Variants in GABBR2 observed in about 807,000 individuals in gnomAD.
GABBR2 encodes the protein gamma-aminobutyric acid type B receptor subunit 2, also known as G-protein coupled receptor 51.
GABBR2 carries 23 observed loss-of-function variants against 105.6 expected under a neutral mutation model. That is an observed-to-expected ratio of 0.22 (90% CI 0.16 to 0.31). GABBR2 has a LOEUF of 0.31. Among genes scored for constraint, GABBR2 ranks in the 10% least tolerant of loss-of-function variants. The pLI, the probability that GABBR2 is intolerant of heterozygous loss-of-function variation, is 1.00. For synonymous variants in GABBR2, 478 were observed against 499.7 expected (o/e 0.96, Z 0.58); for missense variants, 734 against 1,245.5 (o/e 0.59, Z 6.18).
At chr9:98,586,211 A>G (rs1007263075) in intron 1 of GABBR2, among the ~76,000 whole-genome samples, 2 of 151,852 alleles carry the variant, frequency 1.3e-5, no homozygotes, top group African/African-American at 4.8e-5. Context: ...ACACCTGCAC[A>G]TAGCCCTCCT....
intron 2 of GABBR2, among the ~76,000 whole-genome samples, chr9:98,557,382 A>T (rs867559005): frequency 6.6e-6 from 1 of 152,140 alleles, no homozygotes; most frequent in Non-Finnish European, 1.5e-5. Context: ...GCACTCAACT[A>T]TGTGTTGAAT....
rs566062726 is a variant in GABBR2, at chr9:98,468,048, T to C, written c.999+5098A>G. Among the ~76,000 whole-genome samples, 32 of 152,306 alleles carry C rather than the reference T, an allele frequency of 2.1e-4. No homozygotes were observed. The South Asian group carries it at 6.2e-3, about 30-fold the overall frequency. ...CCTCAGTGGAGAGAAGGAGCCAATG[T>C]TGGGCCCAAAGCAGGAGTCCAGGGG... On this transcript the variant is annotated intron_variant, in intron 6 of 18. Coordinates refer to ENST00000259455, the MANE Select transcript of GABBR2 (RefSeq NM_005458.8).
intron 1 of GABBR2, among the ~76,000 whole-genome samples, chr9:98,657,718 C>G (rs1176542584): frequency 6.6e-6 from 1 of 152,252 alleles, no homozygotes; most frequent in Non-Finnish European, 1.5e-5. Flanking sequence ...CTGCATATGG[C>G]AAGAGCGGGA....
chr9:98,505,921 C>T (rs1030717843), intron 3 of GABBR2, among the ~76,000 whole-genome samples: 5 of 152,240 alleles, frequency 3.3e-5, no homozygotes, highest in Admixed American at 6.5e-5. Context: ...CGATTTGTTT[C>T]GGCAGCCACA....
chr9:98,354,445 A>G (rs923697926), intron 13 of GABBR2, among the ~76,000 whole-genome samples: 1 of 152,218 alleles, frequency 6.6e-6, no homozygotes, highest in Non-Finnish European at 1.5e-5. Flanking sequence ...CTTCCAACAT[A>G]AGCCTGTTTC....
intron 13 of GABBR2, among the ~76,000 whole-genome samples, chr9:98,355,624 A>G (rs750550947): frequency 1.3e-5 from 2 of 152,234 alleles, no homozygotes; most frequent in Non-Finnish European, 2.9e-5. Context: ...CAGAAAACTC[A>G]GTATTGGTAA....
intron 8 of GABBR2, among the ~76,000 whole-genome samples, chr9:98,397,397 CAG>C (rs1832313098): frequency 6.7e-6 from 1 of 149,304 alleles, no homozygotes; most frequent in South Asian, 2.1e-4. Context: ...GGCTAGGGGC[CAG>C]AGATACAGAG....
chr9:98,581,956 C>T (rs1200435239), intron 1 of GABBR2, among the ~76,000 whole-genome samples: 1 of 152,190 alleles, frequency 6.6e-6, no homozygotes, highest in Non-Finnish European at 1.5e-5. Context: ...GATATGTCAA[C>T]TAAAATATCT....
chr9:98,441,073 A>G (rs138401714), intron 7 of GABBR2, among the ~76,000 whole-genome samples: 1 of 152,302 alleles, frequency 6.6e-6, no homozygotes, highest in East Asian at 1.9e-4. Flanking sequence ...ACTTTAAAAT[A>G]TTTGCTATTT....
rs1588222961 is a variant in GABBR2 at position 98,548,912 on chromosome 9, G to GT, written c.460-6870dup. On this transcript the variant is annotated intron_variant, in intron 2 of 18. Transcript: ENST00000259455. Reference sequence around the variant, plus strand: ...TCCTTGAGAGTGTATGTATGTGTATGTTTTTTTGTTTGTTTATTTGTTTGG... The same window carrying GT: ...TCCTTGAGAGTGTATGTATGTGTATGTTTTTTTTGTTTGTTTATTTGTTTGG... Among the ~76,000 whole-genome samples the GT allele has an allele frequency of 2.5e-5, 3 of 120,804 alleles. 1 individual carries two copies. The highest frequency in any genetic ancestry group is 7.2e-4 in the East Asian group (2 of 2,766). 79.3% of individuals were successfully genotyped at this position (120,804 alleles called of 152,430 possible).
At chr9:98,644,219 A>C (rs143583265) in intron 1 of GABBR2, among the ~76,000 whole-genome samples, 2 of 152,354 alleles carry the variant, frequency 1.3e-5, no homozygotes, top group Non-Finnish European at 2.9e-5. Flanking sequence ...AGCCCTGACC[A>C]CTGGCAAACA....
intron 6 of GABBR2, among the ~76,000 whole-genome samples, chr9:98,459,136 G>C (rs917601483): frequency 1.3e-5 from 2 of 152,182 alleles, no homozygotes; most frequent in African/African-American, 2.4e-5. Context: ...AAGAGCCAAA[G>C]ACAGGGAGAT....
intron 1 of GABBR2, among the ~76,000 whole-genome samples, chr9:98,681,950 G>A (rs889725844): frequency 2.0e-5 from 3 of 152,134 alleles, no homozygotes; most frequent in Non-Finnish European, 4.4e-5. Context: ...GGCCAGATGC[G>A]ATGGCTTATG....
chr9:98,502,907 T>C (rs1487047424), intron 3 of GABBR2, among the ~76,000 whole-genome samples: 1 of 152,232 alleles, frequency 6.6e-6, no homozygotes, highest in Non-Finnish European at 1.5e-5. Flanking sequence ...GTCCCACTAC[T>C]TCATTCACTC....
rs1305322600 is a variant in GABBR2 at position 98,602,317 on chromosome 9, C to T, written c.322-24245G>A. ...TGAAACTCCGTCTCTACTAAAAATA[C>T]GAAAATCAGCTGGGCGTGGTGGCAG... On this transcript the variant is annotated intron_variant, in intron 1 of 18. Transcript: ENST00000259455. 4.6e-5 allele frequency among the ~76,000 whole-genome samples: 7 copies of T among 151,764 alleles called. No homozygotes were observed. The East Asian group carries it at 5.9e-4, about 13-fold the overall frequency.
intron 9 of GABBR2, among the ~76,000 whole-genome samples, chr9:98,392,713 G>C (rs1211346008): frequency 6.6e-6 from 1 of 152,142 alleles, no homozygotes; most frequent in Non-Finnish European, 1.5e-5. Context: ...CCCAATTTCT[G>C]CTGACCCACT....
chr9:98,416,633 C>G (rs1203049590), intron 7 of GABBR2, among the ~76,000 whole-genome samples: 1 of 152,250 alleles, frequency 6.6e-6, no homozygotes, highest in African/African-American at 2.4e-5. Context: ...GAGGGGCCAT[C>G]AGACATCGGG....
chr9:98,636,385 T>C (rs908724859), intron 1 of GABBR2, among the ~76,000 whole-genome samples: 2 of 151,932 alleles, frequency 1.3e-5, no homozygotes, highest in African/African-American at 2.4e-5. Context: ...AGCCCCAGTG[T>C]CTCAGATGAA....
At chr9:98,332,773 A>G (rs1044787834) in intron 13 of GABBR2, among the ~76,000 whole-genome samples, 5 of 152,254 alleles carry the variant, frequency 3.3e-5, no homozygotes, top group Non-Finnish European at 7.3e-5. Flanking sequence ...GAGCCTGAAC[A>G]GACACAGGAA....
Sources: gnomAD v4.1 joint callset for allele counts (sites outside exome capture counted in the v4.1 genomes callset) on GRCh38, gnomAD v4.1.1 for gene constraint, MANE v1.5 for transcripts, NCBI Gene and HGNC (gene_info 2026-07-23, HGNC 2026-07-21) for gene names.